Variants in HPSE2 observed in about 807,000 individuals in gnomAD.
HPSE2 encodes inactive heparanase-2.
A neutral mutation model predicts 60.5 loss-of-function variants in HPSE2; 38 were observed. That is an observed-to-expected ratio of 0.63 (90% CI 0.48 to 0.82). The LOEUF (loss-of-function observed/expected upper bound fraction) is 0.82, where lower values mean the gene tolerates loss of function less well. Ranked by LOEUF, HPSE2 falls within the 40% of genes least tolerant of loss-of-function variation. The probability of loss-of-function intolerance (pLI) is 0.00; values close to 1 mark genes in which losing one functional copy is unlikely to be tolerated. For synonymous variants in HPSE2, 295 were observed against 293.2 expected (o/e 1.01, Z -0.06); for missense variants, 713 against 740.4 (o/e 0.96, Z 0.43).
At chr10:98,735,289 A>C (rs547860779) in intron 4 of HPSE2, among the ~76,000 whole-genome samples, 116 of 10,998 alleles carry the variant, frequency 0.011, no homozygotes, top group Non-Finnish European at 0.022. Context: ...GGCAGCTTCC[A>C]CATGGTATTG....
At chr10:99,111,634 A>G (rs1844467232) in intron 3 of HPSE2, among the ~76,000 whole-genome samples, 1 of 152,244 alleles carries the variant, frequency 6.6e-6, no homozygotes, top group Admixed American at 6.5e-5. Context: ...TATACAAAAA[A>G]GATATGTTAC....
At chr10:98,945,842 T>G (rs1285819022) in intron 3 of HPSE2, among the ~76,000 whole-genome samples, 1 of 152,196 alleles carries the variant, frequency 6.6e-6, no homozygotes, top group Non-Finnish European at 1.5e-5. Flanking sequence ...GTTTAGCATT[T>G]ACTGTTCACA....
At chr10:99,132,203 G>C (rs368118692) in intron 3 of HPSE2, among the ~76,000 whole-genome samples, 5 of 15,142 alleles carry the variant, frequency 3.3e-4, no homozygotes, top group South Asian at 5.0e-3. Flanking sequence ...GAGAGAGAGA[G>C]AGAGAGAGAG....
At chr10:98,819,959 C>A (rs1309418229) in intron 3 of HPSE2, among the ~76,000 whole-genome samples, 1 of 152,102 alleles carries the variant, frequency 6.6e-6, no homozygotes, top group African/African-American at 2.4e-5. Context: ...CTCTTTGACA[C>A]CCTGTCATTC....
At chr10:98,827,579 G>A (rs1951581823) in intron 3 of HPSE2, among the ~76,000 whole-genome samples, 1 of 152,186 alleles carries the variant, frequency 6.6e-6, no homozygotes, top group Non-Finnish European at 1.5e-5. Flanking sequence ...ACAGAAAAGG[G>A]CAGAAAGATG....
chr10:98,461,797 C>G (rs995889142), intron 11 of HPSE2: 1 of 1,595,824 alleles, frequency 6.3e-7, no homozygotes, highest in Non-Finnish European at 8.5e-7. Flanking sequence ...CAGATGATCC[C>G]ACAGTATTGA....
intron 3 of HPSE2, among the ~76,000 whole-genome samples, chr10:98,809,664 C>T (rs569918240): frequency 8.4e-4 from 128 of 152,174 alleles, no homozygotes; most frequent in Admixed American, 2.6e-3. Flanking sequence ...TTATAACCAA[C>T]ATCTGAAAAT....
intron 3 of HPSE2, among the ~76,000 whole-genome samples, chr10:99,059,659 C>T (rs1039373839): frequency 2.0e-5 from 3 of 151,922 alleles, no homozygotes; most frequent in Non-Finnish European, 2.9e-5. Context: ...TTTCTGGGAA[C>T]GACAAATGCA....
chr10:98,921,465 G>T (rs1331269290), intron 3 of HPSE2, among the ~76,000 whole-genome samples: 1 of 152,168 alleles, frequency 6.6e-6, no homozygotes, highest in Non-Finnish European at 1.5e-5. Flanking sequence ...TGAATTAGGG[G>T]TAGACAGCTG....
At chr10:99,194,023 A>G (rs1235109774) in intron 2 of HPSE2, among the ~76,000 whole-genome samples, 6 of 152,076 alleles carry the variant, frequency 3.9e-5, no homozygotes, top group Non-Finnish European at 8.8e-5. Context: ...CAGACCACGT[A>G]AGGCCACAAA....
intron 3 of HPSE2, among the ~76,000 whole-genome samples, chr10:98,941,035 C>A (rs1170956763): frequency 3.7e-5 from 5 of 133,918 alleles, no homozygotes; most frequent in South Asian, 2.2e-4. Flanking sequence ...ATTCAACAAC[C>A]CTTCATGCTA....
At chr10:99,183,728 G>C (rs921638747) in intron 2 of HPSE2, among the ~76,000 whole-genome samples, 1 of 152,168 alleles carries the variant, frequency 6.6e-6, no homozygotes, top group Non-Finnish European at 1.5e-5. Context: ...CAAGCAGCAG[G>C]ACCTAGACCA....
intron 9 of HPSE2, among the ~76,000 whole-genome samples, chr10:98,559,817 C>G (rs528782930): frequency 1.3e-5 from 2 of 152,224 alleles, no homozygotes; most frequent in African/African-American, 4.8e-5. Context: ...TGTGGGGGTT[C>G]TGGAGAGGCC....
At chr10:98,788,552 C>A (rs572712902) in intron 3 of HPSE2, among the ~76,000 whole-genome samples, 3 of 151,530 alleles carry the variant, frequency 2.0e-5, no homozygotes, top group African/African-American at 7.3e-5. Context: ...GCCTCGTTGC[C>A]GCCTTGCAGT....
intron 3 of HPSE2, among the ~76,000 whole-genome samples, chr10:98,841,913 T>C (rs1951923268): frequency 6.6e-6 from 1 of 151,990 alleles, no homozygotes; most frequent in African/African-American, 2.4e-5. Flanking sequence ...TTCAAGCAAT[T>C]CTCCTGCCTC....
chr10:98,630,463 C>T (rs1435076633), intron 7 of HPSE2, among the ~76,000 whole-genome samples: 1 of 152,158 alleles, frequency 6.6e-6, no homozygotes, highest in Non-Finnish European at 1.5e-5. Context: ...TCCCAAAGTG[C>T]TGGGATTACA....
chr10:99,299,741 A>G, the HPSE2 span, among the ~76,000 whole-genome samples: 1 of 152,194 alleles, frequency 6.6e-6, no homozygotes, highest in Non-Finnish European at 1.5e-5. Context: ...AGAAGTGTGC[A>G]GTCAAGCCAG....
At chr10:98,881,871 A>G (rs1279986532) in intron 3 of HPSE2, among the ~76,000 whole-genome samples, 1 of 150,842 alleles carries the variant, frequency 6.6e-6, no homozygotes, top group African/African-American at 2.4e-5. Flanking sequence ...TTTAGTAAAT[A>G]TTCACTCCTC....
rs1239080861 is a variant in HPSE2 at position 98,888,991 on chromosome 10, G to A, written c.611-144935C>T. 2.0e-5 allele frequency among the ~76,000 whole-genome samples: 3 copies of A among 152,216 alleles called. No homozygotes were observed. The East Asian group carries it at 5.8e-4, about 29-fold the overall frequency. ...GGATCACTTGAGGCTAGGAGTTCAA[G>A]ACCCACCTGGGCAAAATAGCAAGAC... On this transcript the variant is annotated intron_variant, in intron 3 of 11. Transcript: ENST00000370552.
Sources: gnomAD v4.1 joint callset for allele counts (sites outside exome capture counted in the v4.1 genomes callset) on GRCh38, gnomAD v4.1.1 for gene constraint, MANE v1.5 for transcripts, NCBI Gene and HGNC (gene_info 2026-07-23, HGNC 2026-07-21) for gene names.